The following BIRC6 variants were observed in gnomAD, a reference collection of about 807,000 sequenced individuals.
BIRC6 encodes dual E2 ubiquitin-conjugating enzyme/E3 ubiquitin-protein ligase BIRC6.
A neutral mutation model predicts 503.3 loss-of-function variants in BIRC6; 98 were observed. The observed-to-expected ratio is 0.19, with a 90% CI of 0.17 to 0.23. BIRC6 has a LOEUF of 0.23. BIRC6 is among the 10% of genes least tolerant of loss of function. BIRC6 has a pLI of 1.00. For synonymous variants in BIRC6, 2,240 were observed against 2,078.7 expected (o/e 1.08, Z -2.11); for missense variants, 5,360 against 5,806.0 (o/e 0.92, Z 2.50).
chr2:32,599,792 T>C lies in BIRC6; in HGVS notation c.13884T>C (p.Phe4628=). 6.2e-7 allele frequency: 1 copy of C among 1,613,980 alleles called. No individual in the cohort carries two copies. The highest frequency in any genetic ancestry group is 8.5e-7 in the Non-Finnish European group (1 of 1,179,854). Residue 4628 remains phenylalanine, a synonymous_variant, in exon 70 of 74, where the codon TTT becomes TTC. Coordinates refer to ENST00000421745, the MANE Select transcript of BIRC6 (RefSeq NM_016252.4). The part of the protein sequence containing the change: ...DTPYANGCFE[F]DVYFPQDYPS... The stretch of plus-strand genomic sequence containing the variant: ...CTTATGCAAATGGCTGCTTTGAGTT[T>C]GATGTGTATTTTCCTCAAGATTATC...
At chr2:32,565,177 C>G (rs1235909843) in intron 65 of BIRC6, 1 of 152,128 alleles carries the variant, frequency 6.6e-6, no homozygotes, top group Non-Finnish European at 1.5e-5. Flanking sequence ...GTAAAATATT[C>G]AAGCTTTCCT....
At chr2:32,545,449 CAG>C (rs1347217465) in intron 62 of BIRC6, among the ~76,000 whole-genome samples, 192 bp from the exon 63 acceptor site, 1 of 152,076 alleles carries the variant, frequency 6.6e-6, no homozygotes, top group African/African-American at 2.4e-5. Flanking sequence ...CCGTGTCTGA[CAG>C]AGTTTTTCCT....
In BIRC6 at chr2:32,503,069, T is replaced by C. The variant is rs1362056106; in HGVS notation, c.9332T>C (p.Met3111Thr). ...MGGVQLICNN[M>T]VTSTRAIVNT... ...GGTGTTCAGCTCATATGCAATAATA[T>C]GGTTACTAGTACAAGGGCTATTGTG... is the stretch of plus-strand genomic sequence containing the variant. The change falls in exon 49 of 74, where the codon ATG (methionine) becomes ACG (threonine). Residue 3111 changes from methionine (M) to threonine (T), a missense_variant. By Grantham distance (81) the Met-to-Thr change is moderately conservative. This residue lies in a region of BIRC6 where 267 missense variants were observed against 287.6 expected (regional missense o/e 0.93). Transcript: ENST00000421745. 1 of 1,604,420 alleles carries C rather than the reference T, an allele frequency of 6.2e-7. No individual in the cohort carries two copies. The highest frequency in any genetic ancestry group is 8.5e-7 in the Non-Finnish European group (1 of 1,175,592).
chr2:32,379,308 A>C (rs1234257087), intron 2 of BIRC6: 1 of 152,232 alleles, frequency 6.6e-6, no homozygotes, highest in Non-Finnish European at 1.5e-5. Context: ...AATTTAAGGA[A>C]TATAAACCAG....
At chr2:32,526,487 A>G (rs757005594) in intron 59 of BIRC6, 2 of 152,186 alleles carry the variant, frequency 1.3e-5, no homozygotes, top group Non-Finnish European at 2.9e-5. Flanking sequence ...GCACAGAAAA[A>G]CAAGCTGTTG....
chr2:32,421,678 T>C (rs1443084015), intron 10 of BIRC6, among the ~76,000 whole-genome samples: 1 of 152,218 alleles, frequency 6.6e-6, no homozygotes, highest in African/African-American at 2.4e-5. Context: ...CAAACTTATT[T>C]CCATTGCTGT....
At chr2:32,460,868 A>G (rs2047817183) in intron 23 of BIRC6, among the ~76,000 whole-genome samples, 2 of 151,936 alleles carry the variant, frequency 1.3e-5, no homozygotes, top group Admixed American at 6.6e-5. Flanking sequence ...TGATTTAGCA[A>G]GTCTAACAGT....
intron 65 of BIRC6, among the ~76,000 whole-genome samples, chr2:32,554,956 G>T (rs898983701): frequency 6.6e-6 from 1 of 151,766 alleles, no homozygotes. Flanking sequence ...TAGGTCTCAG[G>T]GCTCTCCAAA....
intron 22 of BIRC6, among the ~76,000 whole-genome samples, chr2:32,453,224 A>AAAT (rs2046900908): frequency 6.6e-6 from 1 of 152,272 alleles, no homozygotes; most frequent in East Asian, 1.9e-4. Flanking sequence ...TTTTTCTTTT[A>AAAT]AAAACTACTT....
chr2:32,436,101 G>T lies in BIRC6; in HGVS notation c.3548G>T (p.Cys1183Phe). The T allele has an allele frequency of 1.3e-6, 2 of 1,487,264 alleles. No individual in the cohort carries two copies. The highest frequency in any genetic ancestry group is 1.8e-6 in the Non-Finnish European group (2 of 1,103,278). The allele number at this position is 1,487,264 out of a possible 1,614,324, so 92.1% of individuals were successfully genotyped here. A position where few individuals can be genotyped will look rare whatever the true frequency, so the allele number is the denominator to read the frequency against. ...GAGGATCATAAAGAAGACATTCTAT[G>T]TGGGCCAGTATGGCTTGCTAGTGGC... ...FLEDHKEDIL[C>F]GPVWLASGLD... The change falls in exon 15 of 74, where the codon TGT (cysteine) becomes TTT (phenylalanine). Residue 1183 changes from cysteine to phenylalanine, a missense_variant. Physicochemically the swap from Cys to Phe is radical, Grantham distance 205. Transcript: ENST00000421745.
chr2:32,548,118 C>G (rs2058176027), intron 64 of BIRC6, 104 bp downstream of exon 64: 1 of 1,036,868 alleles, frequency 9.6e-7, no homozygotes, highest in African/African-American at 1.6e-5. Flanking sequence ...TATGTTTATG[C>G]CCACTTGTGG....
intron 39 of BIRC6, among the ~76,000 whole-genome samples, chr2:32,484,265 A>T (rs1407117573): frequency 1.4e-5 from 1 of 71,806 alleles, no homozygotes; most frequent in African/African-American, 5.8e-5. Flanking sequence ...TTTTTGAAAA[A>T]ATTACTGGCC....
chr2:32,585,692 A>G (rs75036866), intron 66 of BIRC6, among the ~76,000 whole-genome samples: 1,947 of 152,132 alleles, frequency 0.013, 16 homozygotes, highest in Admixed American at 0.019. Context: ...TTAGTACAGT[A>G]TTTCTTTTCC....
intron 42 of BIRC6, 35 bp from the exon 43 acceptor site, chr2:32,490,006 C>T (rs772248447): frequency 8.5e-6 from 12 of 1,416,418 alleles, no homozygotes; most frequent in Non-Finnish European, 1.2e-5. Context: ...CATTGTTTTT[C>T]TGAAAAATAT....
chr2:32,452,282 A>G (rs931792084), intron 22 of BIRC6, among the ~76,000 whole-genome samples: 8 of 152,268 alleles, frequency 5.3e-5, no homozygotes, highest in African/African-American at 1.7e-4. Flanking sequence ...TAGGTAAAAC[A>G]TTGTCACTTT....
intron 44 of BIRC6, 70 bp from the exon 45 acceptor site, chr2:32,493,470 A>G: frequency 7.0e-7 from 1 of 1,427,262 alleles, no homozygotes; most frequent in Admixed American, 2.0e-5. Context: ...TCTACTTGAT[A>G]ATTTTTAAAT....
intron 33 of BIRC6, 112 bp downstream of exon 33, chr2:32,473,351 T>G: frequency 2.3e-6 from 2 of 854,366 alleles, no homozygotes; most frequent in African/African-American, 1.7e-5. Context: ...GGCTCTTAGC[T>G]TAGGAAAATC....
At position 32,547,966 on chromosome 2, in the gene BIRC6, C is replaced by T; in HGVS notation, c.12927C>T (p.Ala4309=). 1.2e-6 allele frequency: 2 copies of T among 1,612,572 alleles called. No individual in the cohort carries two copies. Among genetic ancestry groups the T allele is most frequent in the East Asian group, 2.2e-5 (1 of 44,830 alleles). The change falls in exon 64 of 74, where the codon GCC becomes GCT. Residue 4309 remains alanine (A), a synonymous_variant. Coordinates refer to ENST00000421745, the MANE Select transcript of BIRC6 (RefSeq NM_016252.4). The part of the protein sequence containing the change: ...STASGWDVEQ[A]LTKQRLEEEH... Reference sequence around the variant, plus strand: ...CTTCTGGGTGGGATGTGGAACAAGCCTTAACTAAGCAAAGGCTGGAAGAGG... The same window carrying T: ...CTTCTGGGTGGGATGTGGAACAAGCTTTAACTAAGCAAAGGCTGGAAGAGG...
intron 3 of BIRC6, among the ~76,000 whole-genome samples, chr2:32,386,173 A>G (rs2038428871): frequency 6.6e-6 from 1 of 152,194 alleles, no homozygotes; most frequent in Non-Finnish European, 1.5e-5. Context: ...GCAAAGATTT[A>G]TTATTGTTCC....
Sources: gnomAD v4.1 joint callset for allele counts (sites outside exome capture counted in the v4.1 genomes callset) on GRCh38, gnomAD v4.1.1 for gene constraint, gnomAD v4.1.1 regional missense constraint, MANE v1.5 for transcripts, NCBI Gene and HGNC (gene_info 2026-07-23, HGNC 2026-07-21) for gene names.